The following CSNK2A2IP variants were observed in gnomAD, a reference collection of about 807,000 sequenced individuals.
The protein encoded by CSNK2A2IP is casein kinase 2 subunit alpha' interacting protein.
the CSNK2A2IP span, among the ~76,000 whole-genome samples, chr3:88,456,783 T>C: frequency 6.6e-6 from 1 of 152,084 alleles, no homozygotes; most frequent in Non-Finnish European, 1.5e-5. Context: ...TGTGTCTTTT[T>C]CCCAACTGTG....
chr3:88,379,790 G>A, the CSNK2A2IP span, among the ~76,000 whole-genome samples: 1 of 152,066 alleles, frequency 6.6e-6, no homozygotes, highest in African/African-American at 2.4e-5. Flanking sequence ...TGTATTAAAA[G>A]TTCTTCAGCA....
At chr3:88,461,782 A>G in the CSNK2A2IP span, among the ~76,000 whole-genome samples, 2 of 152,012 alleles carry the variant, frequency 1.3e-5, no homozygotes, top group South Asian at 4.1e-4. Context: ...TTTTATTTTT[A>G]TGAGACAGTG....
chr3:88,421,895 C>T, the CSNK2A2IP span, among the ~76,000 whole-genome samples: 1 of 152,054 alleles, frequency 6.6e-6, no homozygotes, highest in Non-Finnish European at 1.5e-5. Context: ...AAACAATTTT[C>T]TTCAAAGGGT....
chr3:88,377,836 C>T, the CSNK2A2IP span, among the ~76,000 whole-genome samples: 1 of 151,712 alleles, frequency 6.6e-6, no homozygotes, highest in Non-Finnish European at 1.5e-5. Context: ...GGTCATAAAA[C>T]CTGAAAAGAC....
At chr3:88,384,604 G>A in the CSNK2A2IP span, among the ~76,000 whole-genome samples, 1,629 of 152,076 alleles carry the variant, frequency 0.011, 42 homozygotes, top group African/African-American at 0.038. Context: ...AGAGCAATAG[G>A]GACTCCTGAA....
chr3:88,398,462 C>A, the CSNK2A2IP span, among the ~76,000 whole-genome samples: 11 of 152,074 alleles, frequency 7.2e-5, no homozygotes, highest in Non-Finnish European at 1.3e-4. Flanking sequence ...TAACAAAAAT[C>A]ATTTAAATCC....
At chr3:88,365,058 G>A in the CSNK2A2IP span, among the ~76,000 whole-genome samples, 1 of 152,098 alleles carries the variant, frequency 6.6e-6, no homozygotes, top group East Asian at 1.9e-4. Context: ...TACACAGCTA[G>A]GAAGTGTCTG....
the CSNK2A2IP span, among the ~76,000 whole-genome samples, chr3:88,376,259 T>C: frequency 4.6e-5 from 7 of 151,808 alleles, no homozygotes; most frequent in African/African-American, 1.4e-4. Context: ...CTAAAACATA[T>C]TAATTATTCA....
chr3:88,374,782 T>C, the CSNK2A2IP span, among the ~76,000 whole-genome samples: 1 of 151,716 alleles, frequency 6.6e-6, no homozygotes, highest in African/African-American at 2.4e-5. Flanking sequence ...CACATGGGAA[T>C]ACTTGGGATC....
chr3:88,370,382 A>G, the CSNK2A2IP span, among the ~76,000 whole-genome samples: 436 of 152,038 alleles, frequency 2.9e-3, 5 homozygotes, highest in African/African-American at 9.7e-3. Flanking sequence ...AGGTTGGACT[A>G]GCAGTGGCTA....
At chr3:88,356,302 G>A in the CSNK2A2IP span, among the ~76,000 whole-genome samples, 1 of 151,648 alleles carries the variant, frequency 6.6e-6, no homozygotes, top group African/African-American at 2.4e-5. Context: ...CTATTTTCAT[G>A]GATTCAATTT....
At chr3:88,451,696 A>AT in the CSNK2A2IP span, among the ~76,000 whole-genome samples, 1 of 147,042 alleles carries the variant, frequency 6.8e-6, no homozygotes, top group Non-Finnish European at 1.5e-5. Context: ...GTGAGTTAAA[A>AT]TTTTTTTATA....
At chr3:88,367,388 G>A in the CSNK2A2IP span, among the ~76,000 whole-genome samples, 1 of 151,972 alleles carries the variant, frequency 6.6e-6, no homozygotes, top group African/African-American at 2.4e-5. Flanking sequence ...AAGGAAATTG[G>A]GGAAAGAAAG....
chr3:88,451,896 A>G, the CSNK2A2IP span, among the ~76,000 whole-genome samples: 2 of 151,920 alleles, frequency 1.3e-5, no homozygotes, highest in African/African-American at 2.4e-5. Flanking sequence ...TAATCTTTAT[A>G]ATTTTATACC....
chr3:88,454,340 T>C, the CSNK2A2IP span, among the ~76,000 whole-genome samples: 2 of 151,908 alleles, frequency 1.3e-5, no homozygotes, highest in African/African-American at 4.8e-5. Flanking sequence ...TATTAGATAA[T>C]GCTTTGCAAA....
At chr3:88,449,292 G>A in the CSNK2A2IP span, among the ~76,000 whole-genome samples, 3 of 152,076 alleles carry the variant, frequency 2.0e-5, no homozygotes, top group African/African-American at 7.2e-5. Context: ...TAAGATATAT[G>A]TTAGCATGTT....
At chr3:88,416,859 AT>A in the CSNK2A2IP span, among the ~76,000 whole-genome samples, 1 of 152,096 alleles carries the variant, frequency 6.6e-6, no homozygotes, top group Admixed American at 6.6e-5. Context: ...ATTAGATAGT[AT>A]TTCTTTTTCT....
the CSNK2A2IP span, among the ~76,000 whole-genome samples, chr3:88,355,316 G>A: frequency 2.6e-5 from 4 of 151,972 alleles, no homozygotes; most frequent in Admixed American, 6.5e-5. Flanking sequence ...TTTTTGTTTT[G>A]AAATGGGAGA....
the CSNK2A2IP span, among the ~76,000 whole-genome samples, chr3:88,341,548 A>G: frequency 6.6e-6 from 1 of 151,846 alleles, no homozygotes; most frequent in Non-Finnish European, 1.5e-5. Flanking sequence ...TAATTATGTT[A>G]AACAGTAAAC....
Sources: allele counts gnomAD v4.1 joint callset (sites outside exome capture counted in the v4.1 genomes callset), GRCh38; gene constraint gnomAD v4.1.1; transcripts MANE v1.5; gene names NCBI Gene and HGNC (gene_info 2026-07-23, HGNC 2026-07-21).